Variants in MYCBP2 observed in about 807,000 individuals in gnomAD.
The protein encoded by MYCBP2 is E3 ubiquitin-protein ligase MYCBP2.
Under a neutral mutation model 525.3 loss-of-function variants are expected in MYCBP2, and 120 were observed. The observed-to-expected ratio is 0.23, with a 90% confidence interval of 0.20 to 0.27. The LOEUF is 0.27. MYCBP2 is among the 10% of genes least tolerant of loss of function. The probability of loss-of-function intolerance (pLI) is 1.00; values close to 1 mark genes in which losing one functional copy is unlikely to be tolerated. For synonymous variants in MYCBP2, 1,894 were observed against 1,955.8 expected (o/e 0.97, Z 0.83); for missense variants, 4,149 against 5,657.1 (o/e 0.73, Z 8.55).
Position 77,261,200 on chromosome 13 carries a change from G to C in MYCBP2, c.1823C>G (p.Ser608Cys), listed in dbSNP as rs1345610064. 6.2e-7 allele frequency: 1 copy of C among 1,612,856 alleles called. No homozygotes were observed. ...AEDGSIFFTG[S>C]ASKGEDGEST... ...TTCTCCATCTTCTCCTTTACTAGCA[G>C]ATCCTGTAAAGAATATGCTCCCATC... The change falls in exon 12 of 83, where the codon TCT becomes TGT. Residue 608 changes from serine to cysteine, a missense_variant. Transcript: ENST00000544440.
intron 68 of MYCBP2, among the ~76,000 whole-genome samples, chr13:77,073,260 GAA>G (rs1328663372): frequency 6.6e-6 from 1 of 151,874 alleles, no homozygotes; most frequent in Non-Finnish European, 1.5e-5. Context: ...AAGAAATGAA[GAA>G]AGAGAAACAT....
chr13:77,319,257 G>C (rs560954826), intron 1 of MYCBP2, among the ~76,000 whole-genome samples: 3 of 152,238 alleles, frequency 2.0e-5, no homozygotes, highest in African/African-American at 7.2e-5. Flanking sequence ...AAGAGGGACA[G>C]CACAGTCTGC....
At chr13:77,262,595 G>C (rs1330666220) in intron 10 of MYCBP2, among the ~76,000 whole-genome samples, 1 of 151,936 alleles carries the variant, frequency 6.6e-6, no homozygotes, top group African/African-American at 2.4e-5. Flanking sequence ...ACAATGCCAT[G>C]CAGATATTTG....
chr13:77,166,976 TACACACACACAC>T (rs539593054), intron 40 of MYCBP2, among the ~76,000 whole-genome samples: 1,904 of 127,158 alleles, frequency 0.015, 13 homozygotes, highest in Middle Eastern at 0.023. Flanking sequence ...AACACACACA[TACACACACACAC>T]ACACACACAC....
chr13:77,108,400 T>C (rs2048195394), intron 55 of MYCBP2, among the ~76,000 whole-genome samples: 1 of 152,136 alleles, frequency 6.6e-6, no homozygotes, highest in Admixed American at 6.6e-5. Flanking sequence ...TCTTAGGCCT[T>C]AGAAAGAATA....
rs2035333015 is a variant in MYCBP2, at chr13:77,045,305, A to G, written c.*73T>C. 1 of 984,754 alleles carries G rather than the reference A, an allele frequency of 1.0e-6. No homozygotes were observed. Among genetic ancestry groups the G allele is most frequent in the Admixed American group, 1.9e-5 (1 of 51,906 alleles). 61.0% of individuals were successfully genotyped at this position (984,754 alleles called of 1,614,324 possible). Reference sequence around the variant, plus strand: ...ATGGTCCCGTCCTTATCCTGAGCAGAGTTTAAACTTCACCGCATCCTCTTG... The same window carrying G: ...ATGGTCCCGTCCTTATCCTGAGCAGGGTTTAAACTTCACCGCATCCTCTTG... On this transcript the variant is annotated 3_prime_UTR_variant, in exon 83 of 83. Coordinates refer to ENST00000544440, the MANE Select transcript of MYCBP2 (RefSeq NM_015057.5).
intron 1 of MYCBP2, among the ~76,000 whole-genome samples, chr13:77,305,837 A>G (rs2079351165): frequency 6.6e-6 from 1 of 152,120 alleles, no homozygotes; most frequent in Non-Finnish European, 1.5e-5. Context: ...AAACTCAACA[A>G]CCACTAGTGA....
intron 82 of MYCBP2, among the ~76,000 whole-genome samples, chr13:77,046,406 G>GA (rs1237915771): frequency 6.6e-6 from 1 of 152,122 alleles, no homozygotes; most frequent in African/African-American, 2.4e-5. Flanking sequence ...GTGCTTGAGA[G>GA]AAAAATATCA....
In MYCBP2 at chr13:77,057,021, T is replaced by G; in HGVS notation, c.13402A>C (p.Ile4468Leu). The G allele has an allele frequency of 6.2e-7, 1 of 1,613,756 alleles. No individual in the cohort carries two copies. The highest frequency in any genetic ancestry group is 8.5e-7 in the Non-Finnish European group (1 of 1,179,738). Residue 4468 changes from isoleucine (I) to leucine (L), a missense_variant, in exon 79 of 83, where the codon ATA (isoleucine) becomes CTA (leucine). Transcript: ENST00000544440. ...GGACAAGATATAAATCCAAATGTTATCCTTGGGCCAAGCCATCGATTTTCT... is the reference window on the plus strand; with the variant it reads ...GGACAAGATATAAATCCAAATGTTAGCCTTGGGCCAAGCCATCGATTTTCT... ...VLENRWLGPR[I>L]TFGFISCPIC...
rs1022142326 is a variant in MYCBP2, at chr13:77,296,399, GA to G, written c.378+199del. Among the ~76,000 whole-genome samples the G allele has an allele frequency of 1.5e-4, 19 of 128,472 alleles. No homozygotes were observed. The South Asian group carries it at 3.7e-3, about 25-fold the overall frequency. 84.3% of individuals were successfully genotyped at this position (128,472 alleles called of 152,430 possible). ...CAAAACAAGACCCTGTTTCAAAAAA[GA>G]AAAAAAAAAGGCAAGAAAGAAAAGA... On this transcript the variant is annotated intron_variant, in intron 2 of 82. Coordinates refer to ENST00000544440, the MANE Select transcript of MYCBP2 (RefSeq NM_015057.5).
chr13:77,069,000 G>GA (rs1318733761), intron 69 of MYCBP2, among the ~76,000 whole-genome samples, 169 bp from the exon 70 acceptor site: 4 of 152,196 alleles, frequency 2.6e-5, no homozygotes, highest in East Asian at 1.9e-4. Context: ...ACTCATCTAA[G>GA]AAACAAGTAA....
At position 77,055,610 on chromosome 13, in the gene MYCBP2, G is replaced by C. The variant is rs1416121299; in HGVS notation, c.13595C>G (p.Ala4532Gly). 8 of 1,614,026 alleles carry C rather than the reference G, an allele frequency of 5.0e-6. No homozygotes were observed. The highest frequency in any genetic ancestry group is 6.8e-6 in the Non-Finnish European group (8 of 1,179,994). Residue 4532 changes from alanine (A) to glycine (G), a missense_variant, in exon 80 of 83, where the codon GCT becomes GGT. Ala to Gly is a moderately conservative substitution (Grantham distance 60). This residue lies in a region of MYCBP2 where 220 missense variants were observed against 396.0 expected (regional missense o/e 0.56). Coordinates refer to ENST00000544440, the MANE Select transcript of MYCBP2 (RefSeq NM_015057.5). ...TPGVRFYNDP[A>G]GYAMNRYAYY... ...TGCATATCTATTCATTGCATAGCCA[G>C]CTGGGTCATTATAAAACCTCACACC...
intron 1 of MYCBP2, among the ~76,000 whole-genome samples, chr13:77,315,891 T>C (rs2154379142): frequency 9.7e-6 from 1 of 103,526 alleles, no homozygotes; most frequent in African/African-American, 4.0e-5. Flanking sequence ...CAAGGCTCTG[T>C]CTCAAAAAAA....
intron 55 of MYCBP2, among the ~76,000 whole-genome samples, chr13:77,108,807 C>T (rs932171862): frequency 3.9e-5 from 6 of 151,970 alleles, no homozygotes; most frequent in Non-Finnish European, 7.4e-5. Flanking sequence ...AGGTTTACAC[C>T]ATTCTCCCGC....
chr13:77,183,403 G>C (rs1290554944), intron 32 of MYCBP2, among the ~76,000 whole-genome samples: 2 of 151,982 alleles, frequency 1.3e-5, no homozygotes, highest in African/African-American at 4.8e-5. Context: ...TTTTTAAATG[G>C]ATATGAGGCA....
intron 45 of MYCBP2, among the ~76,000 whole-genome samples, chr13:77,157,201 C>T (rs573907971): frequency 2.8e-4 from 42 of 152,284 alleles, no homozygotes; most frequent in Admixed American, 7.8e-4. Context: ...ACCTCAGCCT[C>T]CAAGAAGCTG....
rs538355666 is a variant in MYCBP2 at position 77,144,004 on chromosome 13, G to A, written c.7303+441C>T. The A allele has an allele frequency of 4.9e-5, 9 of 184,964 alleles. No homozygotes were observed. In the South Asian group the frequency reaches 1.0e-3, roughly 21 times the overall value. 11.5% of individuals were successfully genotyped at this position (184,964 alleles called of 1,614,324 possible). A position where few individuals can be genotyped will look rare whatever the true frequency, so the allele number is the denominator to read the frequency against. ...ATATCCTATTGGTTCTGTCTCTCTG[G>A]AGAACCCAGATTAACACAATGATCG... On this transcript the variant is annotated intron_variant, in intron 49 of 82. Coordinates refer to ENST00000544440, the MANE Select transcript of MYCBP2 (RefSeq NM_015057.5).
At chr13:77,154,963 G>A (rs1257845040) in intron 46 of MYCBP2, among the ~76,000 whole-genome samples, 1 of 152,054 alleles carries the variant, frequency 6.6e-6, no homozygotes, top group Non-Finnish European at 1.5e-5. Context: ...ATGTATGTGT[G>A]TATGTATATA....
At chr13:77,065,840 G>A in intron 72 of MYCBP2, 152 bp downstream of exon 72, 1 of 473,108 alleles carries the variant, frequency 2.1e-6, no homozygotes, top group Non-Finnish European at 3.7e-6. Flanking sequence ...ATCACTCACT[G>A]AAAAGACAAA....
Sources: gnomAD v4.1 joint callset for allele counts (sites outside exome capture counted in the v4.1 genomes callset) on GRCh38, gnomAD v4.1.1 for gene constraint, gnomAD v4.1.1 regional missense constraint, MANE v1.5 for transcripts, NCBI Gene and HGNC (gene_info 2026-07-23, HGNC 2026-07-21) for gene names.